The following CPSF2 variants were observed in gnomAD, a reference collection of about 807,000 sequenced individuals.
CPSF2 encodes the protein cleavage and polyadenylation specific factor 2.
A neutral mutation model predicts 84.2 loss-of-function variants in CPSF2; 51 were observed. The observed-to-expected ratio is 0.61, with a 90% CI of 0.48 to 0.77. CPSF2 has a LOEUF of 0.77. CPSF2 is among the 30% of genes least tolerant of loss of function. The probability of loss-of-function intolerance (pLI) is 0.00; values close to 1 mark genes in which losing one functional copy is unlikely to be tolerated. For missense variants in CPSF2, 641 were observed against 929.4 expected, an observed-to-expected ratio of 0.69 and a Z score of 4.03; for synonymous variants, 286 against 311.9, an observed-to-expected ratio of 0.92 and a Z score of 0.87.
Position 92,157,818 on chromosome 14 carries a change from T to TTA in CPSF2, c.1755_1756insTA (p.Ile586Ter). On this transcript the variant is annotated frameshift_variant, in exon 13 of 16. Transcript: ENST00000298875. LOFTEE classifies it high-confidence loss of function. The surrounding 1 kb of genome is among the most constrained non-coding windows in gnomAD (Gnocchi z 4.0). ...GCTGTCGCGCCTTTGGTGGGAAAGA[T>TTA]ATTAAAGTGTACATGCCAAAGCTAC... 1 of 1,614,146 alleles carries TTA rather than the reference T, an allele frequency of 6.2e-7. No homozygotes were observed. The highest frequency in any genetic ancestry group is 8.5e-7 in the Non-Finnish European group (1 of 1,180,032).
At chr14:92,150,587 C>G (rs1174550435) in intron 9 of CPSF2, among the ~76,000 whole-genome samples, 1 of 152,096 alleles carries the variant, frequency 6.6e-6, no homozygotes, top group African/African-American at 2.4e-5. Context: ...TTCACCACAC[C>G]TGTAATTTTT....
intron 2 of CPSF2, among the ~76,000 whole-genome samples, chr14:92,130,595 G>A (rs1290442207): frequency 6.6e-6 from 1 of 152,078 alleles, no homozygotes; most frequent in Non-Finnish European, 1.5e-5. Context: ...ATGTTTTATA[G>A]ACTGAGATAC....
At position 92,122,034 on chromosome 14, in the gene CPSF2, G is replaced by T. The variant is rs1451103093; in HGVS notation, c.-188G>T. ...CTTCTGCCGGCCGGTAGTCCCTGGC[G>T]CTGCTGACCCAGCATCGGCTTTTCT... On this transcript the variant is annotated 5_prime_UTR_variant, in exon 1 of 16. Coordinates refer to ENST00000298875, the MANE Select transcript of CPSF2 (RefSeq NM_017437.3). 1 of 591,202 alleles carries T rather than the reference G, an allele frequency of 1.7e-6. No individual in the cohort carries two copies. Among genetic ancestry groups the T allele is most frequent in the Non-Finnish European group, 3.0e-6 (1 of 334,788 alleles). 36.6% of individuals were successfully genotyped at this position (591,202 alleles called of 1,614,324 possible). A position where few individuals can be genotyped will look rare whatever the true frequency, so the allele number is the denominator to read the frequency against.
chr14:92,160,212 C>A (rs1274157256), intron 14 of CPSF2, among the ~76,000 whole-genome samples: 1 of 152,240 alleles, frequency 6.6e-6, no homozygotes, highest in East Asian at 1.9e-4. Context: ...ATCCACCCAT[C>A]TCAGCCTCCC....
chr14:92,149,060 G>A (rs940424586), intron 9 of CPSF2, among the ~76,000 whole-genome samples: 1 of 152,094 alleles, frequency 6.6e-6, no homozygotes, highest in Non-Finnish European at 1.5e-5. Flanking sequence ...GTTTGAGGAC[G>A]CCTGGGAGTC....
chr14:92,142,935 A>C lies in CPSF2; in HGVS notation c.850-69A>C, dbSNP rs2069096763. 4.6e-6 allele frequency: 6 copies of C among 1,306,320 alleles called. No individual in the cohort carries two copies. The South Asian group carries it at 8.8e-5, about 19-fold the overall frequency. The allele number at this position is 1,306,320 out of a possible 1,614,324, so 80.9% of individuals were successfully genotyped here. A position where few individuals can be genotyped will look rare whatever the true frequency, so the allele number is the denominator to read the frequency against. ...TAAAAGATAGAACTTGAATTCCTTG[A>C]CTATTAGAGAATATATTGAAGTTAT... On this transcript the variant is annotated intron_variant, in intron 8 of 15. Transcript: ENST00000298875.
In CPSF2 at chr14:92,161,683, G is replaced by A. The variant is rs1253735914; in HGVS notation, c.2288G>A (p.Cys763Tyr). Reference protein sequence around the residue: ...TETGRIGLEGCLCQDFYRIRD... With the variant: ...TETGRIGLEGYLCQDFYRIRD... The stretch of plus-strand genomic sequence containing the variant: ...ACTGGACGCATTGGATTAGAAGGCT[G>A]CCTTTGTCAAGATTTTTATAGGATA... Residue 763 changes from cysteine to tyrosine, a missense_variant, in exon 16 of 16, where the codon TGC (cysteine) becomes TAC (tyrosine). By Grantham distance (194) the Cys-to-Tyr change is radical (BLOSUM62 -2). Transcript: ENST00000298875. 1.3e-6 allele frequency: 2 copies of A among 1,595,066 alleles called. No individual in the cohort carries two copies. The highest frequency in any genetic ancestry group is 8.5e-7 in the Non-Finnish European group (1 of 1,174,246).
chr14:92,135,500 GGT>G lies in CPSF2; in HGVS notation c.545+5_545+6del. 1 of 1,608,068 alleles carries G rather than the reference GGT, an allele frequency of 6.2e-7. No homozygotes were observed. Among genetic ancestry groups the G allele is most frequent in the Non-Finnish European group, 8.5e-7 (1 of 1,177,734 alleles). On this transcript the variant is annotated splice_donor_5th_base_variant and intron_variant, in intron 6 of 15. Coordinates refer to ENST00000298875, the MANE Select transcript of CPSF2 (RefSeq NM_017437.3). ...ACTTCAACCACAAGAGGGAGATGTAGGTATATCAAGAGAAAAGCTAAAGGCAA... is the reference window on the plus strand; with the variant it reads ...ACTTCAACCACAAGAGGGAGATGTAGATATCAAGAGAAAAGCTAAAGGCAA...
intron 9 of CPSF2, among the ~76,000 whole-genome samples, chr14:92,145,388 T>C (rs2069131061): frequency 1.3e-5 from 2 of 152,290 alleles, no homozygotes; most frequent in South Asian, 4.1e-4. Context: ...GCTGGGATTA[T>C]ACATGAACCA....
intron 9 of CPSF2, among the ~76,000 whole-genome samples, chr14:92,149,487 C>T (rs189539309): frequency 3.3e-5 from 5 of 152,124 alleles, no homozygotes; most frequent in Non-Finnish European, 5.9e-5. Flanking sequence ...CATACTGGCT[C>T]ATGCTTGTAA....
intron 8 of CPSF2, 23 bp downstream of exon 8, chr14:92,142,374 G>C (rs1225544573): frequency 6.3e-7 from 1 of 1,580,700 alleles, no homozygotes; most frequent in East Asian, 2.2e-5. Context: ...GTTGTCACTT[G>C]TAATAAGTTT....
intron 9 of CPSF2, among the ~76,000 whole-genome samples, chr14:92,152,010 CAAAAA>C (rs60631190): frequency 2.1e-5 from 3 of 140,536 alleles, no homozygotes; most frequent in Non-Finnish European, 1.6e-5. Flanking sequence ...GACCCTGTCT[CAAAAA>C]AAAAAAAAAA....
chr14:92,124,031 G>A (rs2068814627), intron 1 of CPSF2, among the ~76,000 whole-genome samples: 1 of 152,192 alleles, frequency 6.6e-6, no homozygotes, highest in Admixed American at 6.5e-5. Context: ...AATTTGCTGA[G>A]CTCAAAAGGA....
rs2069383137 is a variant in CPSF2, at chr14:92,162,165, A to C, written c.*421A>C. 1 of 147,946 alleles carries C rather than the reference A, an allele frequency of 6.8e-6. No individual in the cohort carries two copies. The highest frequency in any genetic ancestry group is 2.5e-5 in the African/African-American group (1 of 40,204). 9.2% of individuals were successfully genotyped at this position (147,946 alleles called of 1,614,324 possible). A position where few individuals can be genotyped will look rare whatever the true frequency, so the allele number is the denominator to read the frequency against. On this transcript the variant is annotated 3_prime_UTR_variant, in exon 16 of 16. Transcript: ENST00000298875. ...GAATTATTTAGAAAAGACATGCTCC[A>C]AAAAAAAAACAAAACTGATAAAACA... is the stretch of plus-strand genomic sequence containing the variant.
At chr14:92,153,734 TGC>T (rs2069251200) in intron 9 of CPSF2, among the ~76,000 whole-genome samples, 1 of 148,114 alleles carries the variant, frequency 6.8e-6, no homozygotes. Context: ...GACAGAGTAT[TGC>T]TTTGTCACCC....
In CPSF2 at chr14:92,155,180, A is replaced by G. The variant is rs778357493; in HGVS notation, c.1299A>G (p.Ser433=). 14 of 1,613,994 alleles carry G rather than the reference A, an allele frequency of 8.7e-6. No homozygotes were observed. The highest frequency in any genetic ancestry group is 1.2e-5 in the Non-Finnish European group (14 of 1,179,980). ...TTGAGGAAGATATTGACCAGCCATC[A>G]GCTCATAAGACGAAGCATGACTTGA... ...SDIEEDIDQP[S]AHKTKHDLMM... Residue 433 remains serine, a synonymous_variant, in exon 11 of 16, where the codon TCA becomes TCG. Transcript: ENST00000298875.
intron 9 of CPSF2, among the ~76,000 whole-genome samples, chr14:92,153,497 A>G (rs535466257): frequency 1.2e-4 from 19 of 152,178 alleles, no homozygotes; most frequent in Non-Finnish European, 2.6e-4. Context: ...GTTTCCCATT[A>G]TGGCTTTTGG....
At position 92,157,108 on chromosome 14, in the gene CPSF2, G is replaced by A. The variant is rs1465307332; in HGVS notation, c.1595+477G>A. 6.6e-6 allele frequency among the ~76,000 whole-genome samples: 1 copy of A among 152,100 alleles called. No homozygotes were observed. ...CTTTCTACTTAGTTAAATAATACCA[G>A]TAAGTGATCATTTTGGAATTTCTTT... On this transcript the variant is annotated intron_variant, in intron 12 of 15. Transcript: ENST00000298875. This position sits in a 1 kb window ranked among gnomAD's most constrained non-coding sequence, Gnocchi z 4.0.
Position 92,155,136 on chromosome 14 carries a change from T to G in CPSF2, c.1255T>G (p.Ser419Ala). The G allele has an allele frequency of 6.2e-7, 1 of 1,612,818 alleles. No individual in the cohort carries two copies. Among genetic ancestry groups the G allele is most frequent in the Non-Finnish European group, 8.5e-7 (1 of 1,178,826 alleles). ...AAATCCTCCTAGGGCAGATATAGAT[T>G]CCAGTGATGAGAGTGATATTGAGGA... ...LEQSKEADID[S>A]SDESDIEEDI... is the part of the protein sequence containing the mutation. The change falls in exon 11 of 16, where the codon TCC (serine) becomes GCC (alanine). Residue 419 changes from serine to alanine, a missense_variant. This residue lies in a region of CPSF2 where 430 missense variants were observed against 553.6 expected (regional missense o/e 0.78). Coordinates refer to ENST00000298875, the MANE Select transcript of CPSF2 (RefSeq NM_017437.3).
Sources: gnomAD v4.1 joint callset for allele counts (sites outside exome capture counted in the v4.1 genomes callset) on GRCh38, gnomAD v4.1.1 for gene constraint, gnomAD v4.1.1 regional missense constraint, Gnocchi (gnomAD v3.1) non-coding constraint, MANE v1.5 for transcripts, NCBI Gene and HGNC (gene_info 2026-07-23, HGNC 2026-07-21) for gene names.